ANKS1B: variants seen among roughly 807,000 people sequenced by gnomAD.
The protein encoded by ANKS1B is ankyrin repeat and sterile alpha motif domain-containing protein 1B.
ANKS1B carries 36 observed loss-of-function variants against 148.3 expected under a neutral mutation model. The ratio of observed to expected loss-of-function variants is 0.24; its 90% CI spans 0.19 to 0.32. ANKS1B has a LOEUF of 0.32. Ranked by LOEUF, ANKS1B falls within the 10% of genes least tolerant of loss-of-function variation. The pLI is 1.00. For missense variants in ANKS1B, 1,157 were observed against 1,542.6 expected (o/e 0.75, Z 4.19); for synonymous variants, 542 against 560.8 (o/e 0.97, Z 0.47).
intron 10 of ANKS1B, among the ~76,000 whole-genome samples, chr12:99,460,873 A>T (rs1319664495): frequency 1.3e-5 from 2 of 152,126 alleles, no homozygotes; most frequent in Non-Finnish European, 2.9e-5. Context: ...CTACCATTTG[A>T]TCCAACAATC....
chr12:99,749,328 T>C (rs750698015), intron 8 of ANKS1B, among the ~76,000 whole-genome samples: 1 of 152,030 alleles, frequency 6.6e-6, no homozygotes, highest in Non-Finnish European at 1.5e-5. Context: ...AAGAACACAA[T>C]GAACCTTGGG....
intron 12 of ANKS1B, among the ~76,000 whole-genome samples, chr12:99,350,644 G>A (rs73149190): frequency 0.13 from 19,025 of 151,966 alleles, 1,248 homozygotes; most frequent in African/African-American, 0.17. Context: ...GGGTACAAAG[G>A]TACTGCTTTT....
chr12:99,009,740 T>C (rs555435106), intron 17 of ANKS1B, among the ~76,000 whole-genome samples: 33 of 151,634 alleles, frequency 2.2e-4, no homozygotes, highest in African/African-American at 6.0e-4. Context: ...AAACCTCCCA[T>C]CAAAATTTCC....
intron 10 of ANKS1B, among the ~76,000 whole-genome samples, chr12:99,491,187 C>T (rs2096551779): frequency 6.6e-6 from 1 of 152,056 alleles, no homozygotes; most frequent in Non-Finnish European, 1.5e-5. Flanking sequence ...TGCCTGTAGT[C>T]CCAGCTACTG....
chr12:99,096,990 T>C (rs549467235), intron 15 of ANKS1B: 179 of 152,344 alleles, frequency 1.2e-3, no homozygotes, highest in African/African-American at 4.1e-3. Context: ...CTTGGTATTA[T>C]ATGTCTTGTT....
At chr12:99,311,801 A>T (rs2083214543) in intron 12 of ANKS1B, among the ~76,000 whole-genome samples, 1 of 152,018 alleles carries the variant, frequency 6.6e-6, no homozygotes, top group Non-Finnish European at 1.5e-5. Flanking sequence ...AGAAGGAAAG[A>T]GGAATGTGGT....
chr12:99,404,744 G>A lies in ANKS1B; in HGVS notation c.1576-4933C>T, dbSNP rs1306707448. On this transcript the variant is annotated intron_variant, in intron 11 of 26. Coordinates refer to ENST00000683438, the MANE Select transcript of ANKS1B (RefSeq NM_001352186.2). ...GTGGAATAAAAAGTTTACTCAAAGT[G>A]AGAACAGAGAACTTCCTAGACCTAA... Among the ~76,000 whole-genome samples, 3 of 145,474 alleles carry A rather than the reference G, an allele frequency of 2.1e-5. 1 individual carries two copies. The highest frequency in any genetic ancestry group is 7.8e-5 in the African/African-American group (3 of 38,364).
intron 17 of ANKS1B, among the ~76,000 whole-genome samples, chr12:98,997,140 C>T (rs2099930173): frequency 6.6e-6 from 1 of 152,008 alleles, no homozygotes; most frequent in African/African-American, 2.4e-5. Flanking sequence ...CCCAAATATA[C>T]CCATCAGTAT....
intron 14 of ANKS1B, among the ~76,000 whole-genome samples, chr12:99,233,440 C>G (rs778754728): frequency 6.6e-6 from 1 of 152,036 alleles, no homozygotes; most frequent in African/African-American, 2.4e-5. Context: ...AAATGCAAAC[C>G]TGAGAGTGCA....
intron 8 of ANKS1B, among the ~76,000 whole-genome samples, chr12:99,759,734 A>G (rs973731504): frequency 1.3e-5 from 2 of 151,872 alleles, no homozygotes; most frequent in African/African-American, 2.4e-5. Context: ...GTACACTATG[A>G]CAAATGAACA....
chr12:99,791,684 A>C (rs920308816), intron 4 of ANKS1B, among the ~76,000 whole-genome samples: 1 of 151,984 alleles, frequency 6.6e-6, no homozygotes, highest in South Asian at 2.1e-4. Context: ...TCAGAAAGAA[A>C]ATTTAAAAAT....
chr12:99,108,720 CAG>C (rs547238372), intron 15 of ANKS1B, among the ~76,000 whole-genome samples: 99 of 152,054 alleles, frequency 6.5e-4, no homozygotes, highest in African/African-American at 2.2e-3. Context: ...AAGTATGAAA[CAG>C]AGTTTAGAAC....
At chr12:98,948,800 T>G (rs935751382) in intron 17 of ANKS1B, among the ~76,000 whole-genome samples, 1 of 149,894 alleles carries the variant, frequency 6.7e-6, no homozygotes, top group Non-Finnish European at 1.5e-5. Context: ...CTGGGATTTT[T>G]GGGAGATTAA....
intron 17 of ANKS1B, among the ~76,000 whole-genome samples, chr12:98,944,665 C>G (rs566162604): frequency 6.6e-6 from 1 of 152,198 alleles, no homozygotes; most frequent in Non-Finnish European, 1.5e-5. Context: ...TGTCCCCTCA[C>G]TGCCCCTGAA....
intron 9 of ANKS1B, among the ~76,000 whole-genome samples, chr12:99,631,207 T>C (rs1282355290): frequency 6.6e-6 from 1 of 152,164 alleles, no homozygotes; most frequent in Non-Finnish European, 1.5e-5. Flanking sequence ...TATCCAATCT[T>C]GGACTTCTCA....
At chr12:98,743,889 C>T, downstream of ANKS1B, 1 of 633,000 alleles carries the variant, frequency 1.6e-6, no homozygotes, top group Non-Finnish European at 2.0e-6. Flanking sequence ...GTCCCTTTAG[C>T]TGTAGATGCT....
chr12:99,296,095 C>T (rs554869815), intron 12 of ANKS1B, among the ~76,000 whole-genome samples: 1 of 152,002 alleles, frequency 6.6e-6, no homozygotes, highest in Non-Finnish European at 1.5e-5. Flanking sequence ...GTGGAAAAGA[C>T]TTTCCTTTAT....
At chr12:99,496,128 GT>G (rs1457971555) in intron 10 of ANKS1B, among the ~76,000 whole-genome samples, 1 of 152,146 alleles carries the variant, frequency 6.6e-6, no homozygotes, top group Non-Finnish European at 1.5e-5. Flanking sequence ...TTTGCTGGTG[GT>G]TTTGTAAATT....
chr12:99,724,579 A>G (rs1345908962), intron 8 of ANKS1B, among the ~76,000 whole-genome samples: 1 of 152,172 alleles, frequency 6.6e-6, no homozygotes, highest in Non-Finnish European at 1.5e-5. Flanking sequence ...TGCAAAACAC[A>G]CTTCAGGATG....
Sources: allele counts gnomAD v4.1 joint callset (sites outside exome capture counted in the v4.1 genomes callset), GRCh38; gene constraint gnomAD v4.1.1; transcripts MANE v1.5; gene names NCBI Gene and HGNC (gene_info 2026-07-23, HGNC 2026-07-21).